MYRIP: variants seen among roughly 807,000 people sequenced by gnomAD.
MYRIP encodes the protein myosin VIIA and Rab interacting protein.
MYRIP carries 49 observed loss-of-function variants against 98.0 expected under a neutral mutation model. The observed-to-expected ratio is 0.50, with a 90% confidence interval of 0.40 to 0.63. The LOEUF is 0.63. Among genes scored for constraint, MYRIP ranks in the 30% least tolerant of loss-of-function variants. The pLI is 0.00. For missense variants in MYRIP, 1,004 were observed against 1,058.2 expected (o/e 0.95, Z 0.71); for synonymous variants, 404 against 409.5 (o/e 0.99, Z 0.16).
chr3:40,144,596 C>T (rs1949974181), intron 3 of MYRIP, among the ~76,000 whole-genome samples: 1 of 152,158 alleles, frequency 6.6e-6, no homozygotes. Context: ...GAAGGAGGAG[C>T]CTGGAGAACA....
chr3:39,901,290 G>C (rs568893358), intron 2 of MYRIP, among the ~76,000 whole-genome samples: 1 of 152,186 alleles, frequency 6.6e-6, no homozygotes, highest in Non-Finnish European at 1.5e-5. Flanking sequence ...GTGAGAATGA[G>C]TCTCATGCAT....
chr3:39,962,908 A>G (rs1945358563), intron 2 of MYRIP, among the ~76,000 whole-genome samples: 1 of 152,178 alleles, frequency 6.6e-6, no homozygotes, highest in Admixed American at 6.6e-5. Flanking sequence ...GTAGAATTAT[A>G]GATGATTGAT....
At chr3:40,086,256 T>A (rs1419863456) in intron 3 of MYRIP, among the ~76,000 whole-genome samples, 1 of 152,214 alleles carries the variant, frequency 6.6e-6, no homozygotes, top group Non-Finnish European at 1.5e-5. Flanking sequence ...TGACAATAAC[T>A]TCTCACGGTC....
chr3:40,018,664 T>A (rs1186268321), intron 2 of MYRIP, among the ~76,000 whole-genome samples: 1 of 152,160 alleles, frequency 6.6e-6, no homozygotes, highest in Non-Finnish European at 1.5e-5. Context: ...GTCCAGACTT[T>A]GCCAGCATTG....
At chr3:39,892,779 C>G (rs1943519952) in intron 1 of MYRIP, among the ~76,000 whole-genome samples, 1 of 152,134 alleles carries the variant, frequency 6.6e-6, no homozygotes, top group African/African-American at 2.4e-5. Context: ...TCTTAAGCAT[C>G]CACCACTTCA....
intron 10 of MYRIP, among the ~76,000 whole-genome samples, chr3:40,195,449 T>C (rs1224653854): frequency 6.6e-6 from 1 of 152,096 alleles, no homozygotes; most frequent in African/African-American, 2.4e-5. Context: ...TTCATCACCA[T>C]GCCCAGCTAA....
chr3:39,979,630 C>T (rs1183923208), intron 2 of MYRIP, among the ~76,000 whole-genome samples: 2 of 142,448 alleles, frequency 1.4e-5, no homozygotes, highest in East Asian at 4.1e-4. Flanking sequence ...AAGAGTGAAA[C>T]TACATCTCAA....
chr3:39,943,506 T>C (rs1944835860), intron 2 of MYRIP, among the ~76,000 whole-genome samples: 1 of 152,098 alleles, frequency 6.6e-6, no homozygotes, highest in African/African-American at 2.4e-5. Context: ...CATGACTCCA[T>C]ATGCTGTGGT....
rs1459884076 is a variant in MYRIP, at chr3:40,204,312, C to T, written c.1666-5542C>T. Among the ~76,000 whole-genome samples, 3 of 139,140 alleles carry T rather than the reference C, an allele frequency of 2.2e-5. No homozygotes were observed. The Admixed American group carries it at 2.5e-4, about 11-fold the overall frequency. The allele number at this position is 139,140 out of a possible 152,430, so 91.3% of individuals were successfully genotyped here. A position where few individuals can be genotyped will look rare whatever the true frequency, so the allele number is the denominator to read the frequency against. ...TGGTACGAGCTCAGCTCACTTCAAC[C>T]TCCATCTCCTGGGTTCAAGTGAGCA... On this transcript the variant is annotated intron_variant, in intron 10 of 16. Transcript: ENST00000302541.
Position 40,151,065 on chromosome 3 carries a change from C to A in MYRIP, c.350C>A (p.Ser117Tyr). The stretch of plus-strand genomic sequence containing the variant: ...TTCCTCAGGCTTCTGAGGGCCCAAT[C>A]TCTGGAATGGTTCTACAATAATGTG... ...CQQARLLRAQ[S>Y]LEWFYNNVKS... Residue 117 changes from serine (S) to tyrosine (Y), a missense_variant, in exon 4 of 17, where the codon TCT (serine) becomes TAT (tyrosine). Coordinates refer to ENST00000302541, the MANE Select transcript of MYRIP (RefSeq NM_015460.4). The A allele has an allele frequency of 1.3e-6, 2 of 1,595,372 alleles. No individual in the cohort carries two copies. The highest frequency in any genetic ancestry group is 2.3e-5 in the East Asian group (1 of 44,278).
intron 3 of MYRIP, among the ~76,000 whole-genome samples, chr3:40,086,853 C>T (rs1381358663): frequency 6.6e-6 from 1 of 151,916 alleles, no homozygotes; most frequent in Admixed American, 6.6e-5. Flanking sequence ...GCCATGGCCC[C>T]CCACATTCCA....
Position 40,009,487 on chromosome 3 carries a change from C to T in MYRIP, c.111-34563C>T, listed in dbSNP as rs368831117. ...TCCTGACCTCATGATCCGCCCGCCT[C>T]GGCCTCGGCCTCCCAAAGTGCTGGG... is the stretch of plus-strand genomic sequence containing the variant. On this transcript the variant is annotated intron_variant, in intron 2 of 16. Transcript: ENST00000302541. 1.4e-3 allele frequency among the ~76,000 whole-genome samples: 208 copies of T among 152,240 alleles called. 2 individuals carry two copies. The South Asian group carries it at 0.041, about 30-fold the overall frequency.
chr3:39,876,848 T>G (rs1434848170), intron 1 of MYRIP, among the ~76,000 whole-genome samples: 1 of 152,092 alleles, frequency 6.6e-6, no homozygotes, highest in African/African-American at 2.4e-5. Flanking sequence ...AGGAGTATCT[T>G]TGTGGTGTTC....
chr3:39,955,519 T>G (rs933181190), intron 2 of MYRIP, among the ~76,000 whole-genome samples: 1 of 152,090 alleles, frequency 6.6e-6, no homozygotes, highest in Non-Finnish European at 1.5e-5. Flanking sequence ...CAAGAGCTCC[T>G]GAAGGAAGCA....
intron 3 of MYRIP, among the ~76,000 whole-genome samples, chr3:40,104,916 CAA>C (rs1949025736): frequency 1.3e-5 from 2 of 152,174 alleles, no homozygotes; most frequent in African/African-American, 4.8e-5. Context: ...AAAAGCCTTT[CAA>C]CTTTTTTTCA....
intron 2 of MYRIP, among the ~76,000 whole-genome samples, chr3:39,987,576 G>A (rs138443016): frequency 1.3e-5 from 2 of 152,138 alleles, no homozygotes; most frequent in Non-Finnish European, 2.9e-5. Context: ...TTGAGGAATT[G>A]CCACACTATC....
At chr3:39,953,681 T>C (rs1945085074) in intron 2 of MYRIP, among the ~76,000 whole-genome samples, 1 of 152,124 alleles carries the variant, frequency 6.6e-6, no homozygotes, top group African/African-American at 2.4e-5. Flanking sequence ...CTGGGGCTTG[T>C]TGGACAGTGG....
chr3:40,089,961 C>T (rs1047285286), intron 3 of MYRIP, among the ~76,000 whole-genome samples: 1 of 151,764 alleles, frequency 6.6e-6, no homozygotes, highest in Non-Finnish European at 1.5e-5. Flanking sequence ...TATACCTCTA[C>T]TAATAATATA....
At chr3:40,247,208 G>GT (rs905751572) in intron 13 of MYRIP, among the ~76,000 whole-genome samples, 5 of 152,062 alleles carry the variant, frequency 3.3e-5, no homozygotes, top group African/African-American at 9.7e-5. Flanking sequence ...TTGTAGCCAT[G>GT]TTTTATGGCA....
Sources: allele counts gnomAD v4.1 joint callset (sites outside exome capture counted in the v4.1 genomes callset), GRCh38; gene constraint gnomAD v4.1.1; transcripts MANE v1.5; gene names NCBI Gene and HGNC (gene_info 2026-07-23, HGNC 2026-07-21).